The following INAVA variants were observed in gnomAD, a reference collection of about 807,000 sequenced individuals.
The protein encoded by INAVA is innate immunity activator.
INAVA carries 32 observed loss-of-function variants against 55.3 expected under a neutral mutation model. That is an observed-to-expected ratio of 0.58 (90% CI 0.44 to 0.78). The LOEUF is 0.78. Among genes scored for constraint, INAVA ranks in the 30% least tolerant of loss-of-function variants. The probability of loss-of-function intolerance (pLI) is 0.00; values close to 1 mark genes in which losing one functional copy is unlikely to be tolerated. For synonymous variants in INAVA, 294 were observed against 329.4 expected, an observed-to-expected ratio of 0.89 and a Z score of 1.16; for missense variants, 756 against 786.4, an observed-to-expected ratio of 0.96 and a Z score of 0.46.
rs1408261381 is a variant in INAVA, at chr1:200,913,596, A to G, written c.1704A>G (p.Val568=). Residue 568 remains valine, a synonymous_variant, in exon 10 of 10, where the codon GTA becomes GTG. Coordinates refer to ENST00000413687, the MANE Select transcript of INAVA (RefSeq NM_001142569.3). Reference sequence around the variant, plus strand: ...ATGGGGCCCCTGTGCAAGTCTTTGTACCTGAAAAAGGAGAGATCATCAGCC... The same window carrying G: ...ATGGGGCCCCTGTGCAAGTCTTTGTGCCTGAAAAAGGAGAGATCATCAGCC... The part of the protein sequence containing the change: ...SPDGAPVQVF[V]PEKGEIISQV 6.2e-7 allele frequency: 1 copy of G among 1,614,040 alleles called. No individual in the cohort carries two copies. Among genetic ancestry groups the G allele is most frequent in the Non-Finnish European group, 8.5e-7 (1 of 1,180,010 alleles).
At position 200,911,685 on chromosome 1, in the gene INAVA, C is replaced by G. The variant is rs762225282; in HGVS notation, c.1192C>G (p.Leu398Val). ...SSPDISFLQP[L>V]SPPKTHRHRG... ...CCCCGACATCTCCTTTCTGCAGCCT[C>G]TCTCCCCTCCCAAGACCCATCGTCA... Residue 398 changes from leucine to valine, a missense_variant, in exon 9 of 10, where the codon CTC becomes GTC. Around this residue, in one of 2 missense-constraint regions of INAVA, gnomAD observed 639 missense variants for 624.3 expected, o/e 1.02. Transcript: ENST00000413687. 6.2e-7 allele frequency: 1 copy of G among 1,614,020 alleles called. No homozygotes were observed. The highest frequency in any genetic ancestry group is 8.5e-7 in the Non-Finnish European group (1 of 1,179,948).
intron 4 of INAVA, 50 bp from the exon 5 acceptor site, chr1:200,900,887 C>A (rs1174022909): frequency 5.0e-6 from 7 of 1,413,460 alleles, no homozygotes; most frequent in Non-Finnish European, 6.7e-6. Context: ...ACCCTCTGGG[C>A]CCCCAATCTC....
At position 200,898,399 on chromosome 1, in the gene INAVA, C is replaced by T. The variant is rs1558227738; in HGVS notation, c.-2C>T. The T allele has an allele frequency of 6.2e-7, 1 of 1,614,120 alleles. No individual in the cohort carries two copies. The highest frequency in any genetic ancestry group is 1.1e-5 in the South Asian group (1 of 91,080). ...TGTGCCCTCTCCTTCCAGAAATCCA[C>T]CATGGAGAGTAAGGATGAGGTCAGC... On this transcript the variant is annotated 5_prime_UTR_variant, in exon 2 of 10. Transcript: ENST00000413687.
chr1:200,909,287 C>T lies in INAVA; in HGVS notation c.849C>T (p.Ala283=), dbSNP rs868053818. ...CCAGCCTGTGGCTTCTGGAGCCTGCCTCCTACCACGTGGTTCCCATCCGTG... is the reference window on the plus strand; with the variant it reads ...CCAGCCTGTGGCTTCTGGAGCCTGCTTCCTACCACGTGGTTCCCATCCGTG... ...SASSLWLLEP[A]SYHVVPIRGV... The change falls in exon 8 of 10, where the codon GCC becomes GCT. Residue 283 remains alanine, a synonymous_variant. Transcript: ENST00000413687. 6.2e-7 allele frequency: 1 copy of T among 1,611,048 alleles called. No homozygotes were observed. The highest frequency in any genetic ancestry group is 1.1e-5 in the South Asian group (1 of 90,718).
intron 1 of INAVA, 85 bp from the exon 2 acceptor site, chr1:200,898,222 C>T (rs1295780422): frequency 6.9e-7 from 1 of 1,438,996 alleles, no homozygotes; most frequent in Non-Finnish European, 9.5e-7. Flanking sequence ...TTCCACTCCC[C>T]TGCTCTCAAG....
intron 9 of INAVA, 73 bp downstream of exon 9, chr1:200,912,210 T>C: frequency 2.9e-6 from 4 of 1,362,098 alleles, no homozygotes; most frequent in Non-Finnish European, 4.0e-6. Flanking sequence ...GCAATTCTAG[T>C]ATGTCCAAGG....
chr1:200,908,633 A>T, intron 6 of INAVA, 97 bp from the exon 7 acceptor site: 1 of 1,021,266 alleles, frequency 9.8e-7, no homozygotes, highest in Non-Finnish European at 1.4e-6. Flanking sequence ...CCAGCATGGG[A>T]GGGAGAGCGG....
chr1:200,913,474 T>C lies in INAVA; in HGVS notation c.1645-63T>C, dbSNP rs551850706. On this transcript the variant is annotated intron_variant, in intron 9 of 9. Transcript: ENST00000413687. ...GGGATAAGGATGGTGTAACTGTGCC[T>C]GCTGTCCCCGCTTTTCTGCCTGGTT... is the stretch of plus-strand genomic sequence containing the variant. 1.6e-4 allele frequency: 208 copies of C among 1,306,874 alleles called. No homozygotes were observed. In the African/African-American group the frequency reaches 2.7e-3, roughly 17 times the overall value. 81.0% of individuals were successfully genotyped at this position (1,306,874 alleles called of 1,614,324 possible).
chr1:200,905,055 T>C (rs1438072257), intron 5 of INAVA, among the ~76,000 whole-genome samples: 1 of 152,138 alleles, frequency 6.6e-6, no homozygotes, highest in Non-Finnish European at 1.5e-5. Context: ...TCTTTATTCC[T>C]AAGGTTTTTA....
rs772463898 is a variant in INAVA at position 200,911,751 on chromosome 1, G to T, written c.1258G>T (p.Ala420Ser). 1.2e-6 allele frequency: 2 copies of T among 1,611,402 alleles called. No individual in the cohort carries two copies. Among genetic ancestry groups the T allele is most frequent in the Non-Finnish European group, 8.5e-7 (1 of 1,178,478 alleles). ...CCCAGCCGGCAGCAGAGAGCTGGTC[G>T]CCCACCACCCCAAGCTACTGCTGCC... ...WVPAGSRELV[A>S]HHPKLLLPPG... The change falls in exon 9 of 10, where the codon GCC becomes TCC. Residue 420 changes from alanine (A) to serine (S), a missense_variant. By Grantham distance (99) the Ala-to-Ser change is moderately conservative (BLOSUM62 1). Coordinates refer to ENST00000413687, the MANE Select transcript of INAVA (RefSeq NM_001142569.3).
rs1409225146 is a variant in INAVA at position 200,909,327 on chromosome 1, T to C, written c.889T>C (p.Trp297Arg). The C allele has an allele frequency of 2.5e-6, 4 of 1,611,256 alleles. No individual in the cohort carries two copies. Among genetic ancestry groups the C allele is most frequent in the Non-Finnish European group, 3.4e-6 (4 of 1,178,872 alleles). The change falls in exon 8 of 10, where the codon TGG becomes CGG. Residue 297 changes from tryptophan (W) to arginine (R), a missense_variant. By Grantham distance (101) the Trp-to-Arg change is moderately radical. This residue lies in a region of INAVA where 639 missense variants were observed against 624.3 expected (regional missense o/e 1.02). Transcript: ENST00000413687. ...TCCCATCCGTGGTGTTCCTGGCCAG[T>C]GGCAGGGCCGCACCAGTGCCCCAGC... ...VVPIRGVPGQ[W>R]QGRTSAPATP...
intron 5 of INAVA, among the ~76,000 whole-genome samples, chr1:200,901,729 A>AGT (rs1319952328): frequency 6.6e-6 from 1 of 152,188 alleles, no homozygotes; most frequent in African/African-American, 2.4e-5. Context: ...CAGCCCCTTA[A>AGT]GTATCTACAA....
At chr1:200,907,783 G>A (rs369699310) in intron 5 of INAVA, 51 bp from the exon 6 acceptor site, 10 of 1,534,106 alleles carry the variant, frequency 6.5e-6, no homozygotes, top group Admixed American at 1.7e-5. Context: ...ACTCATATCT[G>A]TTTGTTCATT....
At chr1:200,903,554 C>T (rs1571865599) in intron 5 of INAVA, among the ~76,000 whole-genome samples, 1 of 152,082 alleles carries the variant, frequency 6.6e-6, no homozygotes. Context: ...CCTGTAATCC[C>T]AGCACTTTGG....
chr1:200,910,084 C>G (rs1234117272), intron 8 of INAVA, among the ~76,000 whole-genome samples: 1 of 152,130 alleles, frequency 6.6e-6, no homozygotes, highest in Non-Finnish European at 1.5e-5. Context: ...CACTTTGGCA[C>G]TGTATTTGGG....
chr1:200,892,228 C>A (rs1404630803), upstream of INAVA, among the ~76,000 whole-genome samples: 1 of 152,176 alleles, frequency 6.6e-6, no homozygotes, highest in African/African-American at 2.4e-5. Flanking sequence ...TATTTCACTT[C>A]TTCCTTTTTT....
In INAVA at chr1:200,913,781, T is replaced by A; in HGVS notation, c.*152T>A. 1.6e-6 allele frequency: 1 copy of A among 607,948 alleles called. No homozygotes were observed. Among genetic ancestry groups the A allele is most frequent in the Non-Finnish European group, 2.9e-6 (1 of 342,202 alleles). The allele number at this position is 607,948 out of a possible 1,614,324, so 37.7% of individuals were successfully genotyped here. On this transcript the variant is annotated 3_prime_UTR_variant, in exon 10 of 10. Coordinates refer to ENST00000413687, the MANE Select transcript of INAVA (RefSeq NM_001142569.3). ...ATTATTTTTTTTTTACACGACTTTT[T>A]TCAGAAGCCCTGACCTAAGGATTTA...
chr1:200,898,299 C>T lies in INAVA; in HGVS notation c.-94-8C>T. ...CTTTTTTGTTATTGTTCTCTTTTCT[C>T]TTTAAAGCTGGGGAAGCTCCAGGCT... On this transcript the variant is annotated splice_region_variant and splice_polypyrimidine_tract_variant and intron_variant, in intron 1 of 9. Coordinates refer to ENST00000413687, the MANE Select transcript of INAVA (RefSeq NM_001142569.3). 1 of 1,607,802 alleles carries T rather than the reference C, an allele frequency of 6.2e-7. No homozygotes were observed. Among genetic ancestry groups the T allele is most frequent in the South Asian group, 1.1e-5 (1 of 90,428 alleles).
At chr1:200,906,034 A>T (rs1158418769) in intron 5 of INAVA, among the ~76,000 whole-genome samples, 1 of 152,262 alleles carries the variant, frequency 6.6e-6, no homozygotes, top group East Asian at 1.9e-4. Flanking sequence ...TGTCACTTGC[A>T]GGTGATAATA....
Sources: allele counts gnomAD v4.1 joint callset (sites outside exome capture counted in the v4.1 genomes callset), GRCh38; gene constraint gnomAD v4.1.1; regional missense constraint gnomAD v4.1.1; transcripts MANE v1.5; gene names NCBI Gene and HGNC (gene_info 2026-07-23, HGNC 2026-07-21).